The following LOXHD1 variants were observed in gnomAD, a reference collection of about 807,000 sequenced individuals.
LOXHD1 encodes the protein lipoxygenase homology domain-containing protein 1.
In LOXHD1, 205 loss-of-function variants were observed where a neutral mutation model predicts 248.2. That is an observed-to-expected ratio of 0.83 (90% CI 0.74 to 0.93). The LOEUF is 0.93. LOXHD1 is among the 40% of genes least tolerant of loss of function. The pLI is 0.00. For missense variants in LOXHD1, 2,930 were observed against 2,971.6 expected (o/e 0.99, Z 0.33); for synonymous variants, 1,113 against 1,162.8 (o/e 0.96, Z 0.87).
chr18:46,510,126 T>A (rs1294887169), intron 34 of LOXHD1, among the ~76,000 whole-genome samples: 1 of 152,232 alleles, frequency 6.6e-6, no homozygotes, highest in African/African-American at 2.4e-5. Context: ...TCCTTACCTG[T>A]GGTCTGGAGA....
At chr18:46,576,827 G>A (rs563243737) in intron 14 of LOXHD1, among the ~76,000 whole-genome samples, 1 of 152,152 alleles carries the variant, frequency 6.6e-6, no homozygotes, top group East Asian at 1.9e-4. Context: ...ATGTGTGCCT[G>A]TGTGTGTGCG....
chr18:46,556,564 C>G (rs1207075562), intron 21 of LOXHD1: 1 of 163,264 alleles, frequency 6.1e-6, no homozygotes, highest in Non-Finnish European at 1.3e-5. Context: ...ACAGGCAACA[C>G]AGCCAGCCCA....
At chr18:46,652,642 C>G (rs2039126848) in intron 1 of LOXHD1, among the ~76,000 whole-genome samples, 1 of 152,244 alleles carries the variant, frequency 6.6e-6, no homozygotes, top group African/African-American at 2.4e-5. Context: ...CATATGCTCA[C>G]TTGTGACCCA....
Position 46,509,722 on chromosome 18 carries a change from ACTGCCCAGGCCAT to A in LOXHD1, c.5480_5492del (p.Asp1827ValfsTer12). Reference sequence around the variant, plus strand: ...CCCTCTCCAGGAACCACTCCGGCCGACTGCCCAGGCCATCAATCCGGATCCGCATCTTGGTGAA... The same window carrying A: ...CCCTCTCCAGGAACCACTCCGGCCGACAATCCGGATCCGCATCTTGGTGAA... On this transcript the variant is annotated frameshift_variant, in exon 35 of 41. Coordinates refer to ENST00000642948, the MANE Select transcript of LOXHD1 (RefSeq NM_001384474.1). LOFTEE classifies it high-confidence loss of function. 6.4e-7 allele frequency: 1 copy of A among 1,551,598 alleles called. No individual in the cohort carries two copies. Among genetic ancestry groups the A allele is most frequent in the South Asian group, 1.2e-5 (1 of 84,058 alleles).
In LOXHD1 at chr18:46,572,148, T is replaced by A; in HGVS notation, c.1985A>T (p.Asp662Val). Reference sequence around the variant, plus strand: ...TCGGACCAGCTGCCCATCATCCTTATCCTTGTCCAACCACCTGGTGGGCAA... The same window carrying A: ...TCGGACCAGCTGCCCATCATCCTTAACCTTGTCCAACCACCTGGTGGGCAA... ...EFPCLRWLDK[D>V]KDDGQLVREL... The change falls in exon 15 of 41, where the codon GAT (aspartate) becomes GTT (valine). Residue 662 changes from aspartate to valine, a missense_variant. Transcript: ENST00000642948. The A allele has an allele frequency of 6.4e-7, 1 of 1,551,856 alleles. No individual in the cohort carries two copies. Among genetic ancestry groups the A allele is most frequent in the South Asian group, 1.2e-5 (1 of 84,054 alleles).
rs548961234 is a variant in LOXHD1, at chr18:46,543,864, G to A, written c.3620-1009C>T. Among the ~76,000 whole-genome samples, 16 of 152,226 alleles carry A rather than the reference G, an allele frequency of 1.1e-4. No homozygotes were observed. The East Asian group carries it at 2.9e-3, about 28-fold the overall frequency. ...AAAGCCACACTCTCTATGTTCCCTGGGGAAACATGGGATTTCCTTCAGGGA... is the reference window on the plus strand; with the variant it reads ...AAAGCCACACTCTCTATGTTCCCTGAGGAAACATGGGATTTCCTTCAGGGA... On this transcript the variant is annotated intron_variant, in intron 23 of 40. Coordinates refer to ENST00000642948, the MANE Select transcript of LOXHD1 (RefSeq NM_001384474.1).
At chr18:46,562,430 A>G (rs2037548963) in intron 18 of LOXHD1, among the ~76,000 whole-genome samples, 1 of 152,172 alleles carries the variant, frequency 6.6e-6, no homozygotes, top group Admixed American at 6.5e-5. Flanking sequence ...AAGGGGCGCC[A>G]CCCTTGCATC....
intron 12 of LOXHD1, among the ~76,000 whole-genome samples, chr18:46,581,487 T>C (rs991084694): frequency 6.6e-6 from 1 of 152,038 alleles, no homozygotes; most frequent in African/African-American, 2.4e-5. Flanking sequence ...AAAACTGAGG[T>C]CAAGATGGCA....
chr18:46,607,944 A>G (rs1599045814), intron 6 of LOXHD1, among the ~76,000 whole-genome samples: 1 of 152,130 alleles, frequency 6.6e-6, no homozygotes, highest in Non-Finnish European at 1.5e-5. Context: ...TAAATTAATT[A>G]CAAATAAATG....
Position 46,595,154 on chromosome 18 carries a change from G to T in LOXHD1, c.1135-688C>A, listed in dbSNP as rs546313798. ...GGTTTTGACCAACCATTGTCTTACT[G>T]GGTATTTGTTGTCTACTGTTCATAG... is the stretch of plus-strand genomic sequence containing the variant. On this transcript the variant is annotated intron_variant, in intron 8 of 40. Coordinates refer to ENST00000642948, the MANE Select transcript of LOXHD1 (RefSeq NM_001384474.1). Among the ~76,000 whole-genome samples the T allele has an allele frequency of 5.3e-4, 80 of 152,250 alleles. 1 individual carries two copies. The highest frequency in any genetic ancestry group is 1.9e-3 in the African/African-American group (77 of 41,554).
chr18:46,657,070 C>T lies in LOXHD1; in HGVS notation c.-37G>A. On this transcript the variant is annotated 5_prime_UTR_variant, in exon 1 of 41. The change creates a new upstream start codon in the 5' untranslated region. Transcript: ENST00000642948. ...CCTTCTCCCAGCGCTCGCAGGCTCA[C>T]TGTGCCGCCTCCTCACACCTGCGGG... The T allele has an allele frequency of 6.4e-7, 1 of 1,551,378 alleles. No individual in the cohort carries two copies. Among genetic ancestry groups the T allele is most frequent in the Non-Finnish European group, 8.7e-7 (1 of 1,146,816 alleles).
At chr18:46,623,025 A>G (rs1286299674) in intron 4 of LOXHD1, among the ~76,000 whole-genome samples, 1 of 152,130 alleles carries the variant, frequency 6.6e-6, no homozygotes, top group African/African-American at 2.4e-5. Flanking sequence ...TCGTCACCCA[A>G]GCCAGCTCTA....
intron 2 of LOXHD1, among the ~76,000 whole-genome samples, chr18:46,644,116 C>G (rs1277449519): frequency 6.6e-6 from 1 of 152,240 alleles, no homozygotes; most frequent in East Asian, 1.9e-4. Context: ...AAGCACAATC[C>G]CATGTTTCAG....
intron 5 of LOXHD1, among the ~76,000 whole-genome samples, chr18:46,614,866 A>G (rs2038563059): frequency 6.6e-6 from 1 of 152,116 alleles, no homozygotes; most frequent in South Asian, 2.1e-4. Context: ...CTTTTTCCCT[A>G]TTCTTCGAAA....
At chr18:46,585,649 C>A (rs1190192050) in intron 12 of LOXHD1, among the ~76,000 whole-genome samples, 1 of 152,098 alleles carries the variant, frequency 6.6e-6, no homozygotes, top group Non-Finnish European at 1.5e-5. Flanking sequence ...TAGCCCCTAA[C>A]AGAACTCAGC....
At chr18:46,616,565 C>A (rs1256260371) in intron 5 of LOXHD1, among the ~76,000 whole-genome samples, 3 of 152,144 alleles carry the variant, frequency 2.0e-5, no homozygotes, top group African/African-American at 4.8e-5. Flanking sequence ...TTTTTGCTCA[C>A]CTTTGTTTCT....
chr18:46,595,246 A>G (rs2038239850), intron 8 of LOXHD1, among the ~76,000 whole-genome samples: 1 of 152,102 alleles, frequency 6.6e-6, no homozygotes, highest in Admixed American at 6.5e-5. Context: ...GGTAATACTC[A>G]CCTCATACTC....
chr18:46,542,682 G>A, intron 24 of LOXHD1, 45 bp downstream of exon 24: 2 of 1,549,682 alleles, frequency 1.3e-6, no homozygotes, highest in South Asian at 2.4e-5. Flanking sequence ...ACCTGTCCAT[G>A]GTCCTTAAAG....
chr18:46,477,834 C>CGG lies in LOXHD1; in HGVS notation c.6458_6459dup (p.Val2154ProfsTer8). On this transcript the variant is annotated frameshift_variant, in exon 41 of 41. Transcript: ENST00000642948. LOFTEE classifies it high-confidence loss of function. ...GTTGTCACGATGACTTCGTACTTGA[C>CGG]GGGCACCAGGCTCTGGACCTTGCTG... 6.4e-7 allele frequency: 1 copy of CGG among 1,551,846 alleles called. No individual in the cohort carries two copies. The highest frequency in any genetic ancestry group is 1.2e-5 in the South Asian group (1 of 84,064).
Sources: allele counts gnomAD v4.1 joint callset (sites outside exome capture counted in the v4.1 genomes callset), GRCh38; gene constraint gnomAD v4.1.1; transcripts MANE v1.5; gene names NCBI Gene and HGNC (gene_info 2026-07-23, HGNC 2026-07-21).